The following SAMMSON variants were observed in gnomAD, a reference collection of about 807,000 sequenced individuals.
SAMMSON encodes long intergenic non-protein coding RNA 1212.
chr3:70,195,685 C>T (rs909867037), intron 4 of SAMMSON, among the ~76,000 whole-genome samples: 1 of 152,158 alleles, frequency 6.6e-6, no homozygotes, highest in African/African-American at 2.4e-5. Context: ...GTTACTCATG[C>T]ATGATGCTTT....
chr3:70,023,499 A>C (rs906353518), intron 3 of SAMMSON, among the ~76,000 whole-genome samples: 1 of 151,624 alleles, frequency 6.6e-6, no homozygotes, highest in African/African-American at 2.4e-5. Context: ...TATATTCTTT[A>C]TTTATAATAT....
At chr3:70,254,891 A>G (rs1701800468) in intron 6 of SAMMSON, among the ~76,000 whole-genome samples, 1 of 152,182 alleles carries the variant, frequency 6.6e-6, no homozygotes, top group Admixed American at 6.5e-5. Flanking sequence ...TAAAATTGTC[A>G]TTGTATTTCC....
chr3:70,251,741 C>T (rs1185900595), intron 6 of SAMMSON, among the ~76,000 whole-genome samples: 2 of 152,122 alleles, frequency 1.3e-5, no homozygotes, highest in Non-Finnish European at 2.9e-5. Context: ...AGTAGTTGCT[C>T]GTCTAAGGAA....
chr3:70,289,587 C>T (rs559126332), intron 6 of SAMMSON, among the ~76,000 whole-genome samples: 2 of 148,852 alleles, frequency 1.3e-5, no homozygotes, highest in Non-Finnish European at 3.0e-5. Context: ...TCTGTATTTC[C>T]TGAATCTGAA....
chr3:70,155,757 G>C (rs2067589839), intron 4 of SAMMSON, among the ~76,000 whole-genome samples: 1 of 151,794 alleles, frequency 6.6e-6, no homozygotes, highest in Non-Finnish European at 1.5e-5. Context: ...CTCTTTCTTT[G>C]TTCTTGCAAA....
chr3:70,387,798 G>A (rs561245824), intron 9 of SAMMSON, among the ~76,000 whole-genome samples: 1 of 151,966 alleles, frequency 6.6e-6, no homozygotes, highest in Admixed American at 6.6e-5. Context: ...TCCTACAGGG[G>A]CTGTATTAAA....
chr3:70,027,637 A>C (rs1479251062), intron 3 of SAMMSON, among the ~76,000 whole-genome samples: 1 of 152,226 alleles, frequency 6.6e-6, no homozygotes, highest in South Asian at 2.1e-4. Flanking sequence ...TTATTTTAGA[A>C]TAACACTACC....
intron 9 of SAMMSON, among the ~76,000 whole-genome samples, chr3:70,384,133 A>G (rs1244194514): frequency 1.3e-5 from 2 of 152,092 alleles, no homozygotes; most frequent in African/African-American, 2.4e-5. Flanking sequence ...AAAATAATCT[A>G]CACCAGTCAC....
chr3:70,243,740 C>T (rs1024373766), intron 4 of SAMMSON, among the ~76,000 whole-genome samples: 1 of 152,046 alleles, frequency 6.6e-6, no homozygotes, highest in African/African-American at 2.4e-5. Context: ...CATCACTGAT[C>T]TAAAGCAAGA....
intron 1 of SAMMSON, among the ~76,000 whole-genome samples, chr3:70,011,761 C>T (rs2066956959): frequency 6.6e-6 from 1 of 151,878 alleles, no homozygotes; most frequent in South Asian, 2.1e-4. Flanking sequence ...GGAGGGAATC[C>T]AAGAACACAG....
At chr3:70,173,334 T>C (rs1700977921) in intron 4 of SAMMSON, among the ~76,000 whole-genome samples, 1 of 151,992 alleles carries the variant, frequency 6.6e-6, no homozygotes, top group African/African-American at 2.4e-5. Context: ...TTGAGTTTAA[T>C]TTAAAAACAT....
intron 4 of SAMMSON, among the ~76,000 whole-genome samples, chr3:70,226,476 G>A (rs540473275): frequency 2.6e-5 from 4 of 152,232 alleles, no homozygotes; most frequent in South Asian, 4.2e-4. Context: ...AGTGGCTCAC[G>A]CCTGTAATCC....
intron 1 of SAMMSON, among the ~76,000 whole-genome samples, chr3:70,004,015 TTTTTC>T (rs1331452639): frequency 2.6e-5 from 4 of 152,210 alleles, no homozygotes; most frequent in Admixed American, 2.6e-4. Context: ...AAAAGCTTCT[TTTTTC>T]TTTCTGTTTC....
chr3:70,095,800 A>C (rs2067321056), intron 4 of SAMMSON, among the ~76,000 whole-genome samples: 1 of 152,214 alleles, frequency 6.6e-6, no homozygotes, highest in South Asian at 2.1e-4. Flanking sequence ...TAACTATAAT[A>C]TGTCAGTGCT....
intron 3 of SAMMSON, among the ~76,000 whole-genome samples, chr3:70,024,666 G>C (rs569096409): frequency 2.0e-5 from 3 of 152,210 alleles, no homozygotes; most frequent in Admixed American, 6.5e-5. Context: ...GCAAAGGAAA[G>C]CATTCGGATT....
intron 1 of SAMMSON, among the ~76,000 whole-genome samples, chr3:70,004,337 G>A (rs1234754260): frequency 6.6e-6 from 1 of 151,998 alleles, no homozygotes. Flanking sequence ...GATTTCTTGG[G>A]ACAAACTTTT....
At chr3:70,296,734 C>T (rs1702292754) in intron 7 of SAMMSON, among the ~76,000 whole-genome samples, 1 of 152,064 alleles carries the variant, frequency 6.6e-6, no homozygotes, top group Non-Finnish European at 1.5e-5. Context: ...CAGTGTCATT[C>T]CTTTAACTCC....
chr3:70,131,899 T>C (rs1309192123), intron 4 of SAMMSON, among the ~76,000 whole-genome samples: 1 of 152,138 alleles, frequency 6.6e-6, no homozygotes, highest in East Asian at 1.9e-4. Flanking sequence ...TTCTCGATCA[T>C]GCTTACAAGT....
chr3:70,360,974 T>G (rs1335137764), intron 9 of SAMMSON, among the ~76,000 whole-genome samples: 1 of 152,190 alleles, frequency 6.6e-6, no homozygotes, highest in Non-Finnish European at 1.5e-5. Context: ...CTAATTATTT[T>G]ACCAGCATTC....
Sources: gnomAD v4.1 joint callset for allele counts (sites outside exome capture counted in the v4.1 genomes callset) on GRCh38, gnomAD v4.1.1 for gene constraint, MANE v1.5 for transcripts, NCBI Gene and HGNC (gene_info 2026-07-23, HGNC 2026-07-21) for gene names.